The following SELENOF variants were observed in gnomAD, a reference collection of about 807,000 sequenced individuals.
SELENOF encodes the protein 15 kDa selenoprotein.
Under a neutral mutation model 20.5 loss-of-function variants are expected in SELENOF, and 16 were observed. The ratio of observed to expected loss-of-function variants is 0.78; its 90% CI spans 0.53 to 1.19. SELENOF has a LOEUF of 1.19. Ranked by LOEUF, SELENOF falls within the 50% of genes most tolerant of loss-of-function variation. The pLI is 0.00. For synonymous variants in SELENOF, 78 were observed against 74.5 expected, an observed-to-expected ratio of 1.05 and a Z score of -0.24; for missense variants, 215 against 194.2, an observed-to-expected ratio of 1.11 and a Z score of -0.64.
chr1:86,906,901 A>G (rs1340807610), intron 1 of SELENOF, among the ~76,000 whole-genome samples: 4 of 152,264 alleles, frequency 2.6e-5, no homozygotes, highest in South Asian at 2.1e-4. Context: ...GAAAGAGGCA[A>G]TAAGAGTGAA....
intron 2 of SELENOF, among the ~76,000 whole-genome samples, chr1:86,883,732 G>A (rs1357290192): frequency 6.6e-6 from 1 of 151,948 alleles, no homozygotes; most frequent in Admixed American, 6.6e-5. Flanking sequence ...TGATTGTACG[G>A]AGCACTGCAG....
At chr1:86,911,409 C>T (rs998572840) in intron 1 of SELENOF, among the ~76,000 whole-genome samples, 2 of 152,296 alleles carry the variant, frequency 1.3e-5, no homozygotes, top group Middle Eastern at 6.8e-3. Context: ...GCCAATTCTC[C>T]ACTTGTACCT....
In SELENOF at chr1:86,901,902, G is replaced by A. The variant is rs546512952; in HGVS notation, c.252+1379C>T. Among the ~76,000 whole-genome samples the A allele has an allele frequency of 1.8e-3, 268 of 152,304 alleles. 2 individuals carry two copies. Among genetic ancestry groups the A allele is most frequent in the Middle Eastern group, 0.01 (3 of 294 alleles). ...CAATTTACCCTAATCACAAGGGGGT[G>A]TGTGTGGTAAACACTGTTTATTATA... On this transcript the variant is annotated intron_variant, in intron 2 of 4. Coordinates refer to ENST00000331835, the MANE Select transcript of SELENOF (RefSeq NM_004261.5).
chr1:86,905,747 T>C (rs1439189562), intron 1 of SELENOF, among the ~76,000 whole-genome samples: 1 of 152,224 alleles, frequency 6.6e-6, no homozygotes, highest in Non-Finnish European at 1.5e-5. Context: ...TCTTCTAGAC[T>C]AAGGGTATGC....
intron 3 of SELENOF, among the ~76,000 whole-genome samples, chr1:86,869,908 G>A (rs1658714755): frequency 6.6e-6 from 1 of 151,934 alleles, no homozygotes; most frequent in Non-Finnish European, 1.5e-5. Flanking sequence ...CCAAGCAGCA[G>A]TGACTACAGA....
Position 86,880,765 on chromosome 1 carries a change from A to G in SELENOF, c.253-40T>C, listed in dbSNP as rs1223192333. 2.4e-6 allele frequency: 3 copies of G among 1,225,406 alleles called. No individual in the cohort carries two copies. The African/African-American group carries it at 4.6e-5, about 19-fold the overall frequency. The allele number at this position is 1,225,406 out of a possible 1,614,324, so 75.9% of individuals were successfully genotyped here. On this transcript the variant is annotated intron_variant, in intron 2 of 4. Transcript: ENST00000331835. The stretch of plus-strand genomic sequence containing the variant: ...ACAGGAATTTAAAAAACTGGTATAA[A>G]TTAAAAATGTACTTATAAAATAAAT...
chr1:86,874,928 A>G (rs1454909708), intron 3 of SELENOF, among the ~76,000 whole-genome samples: 1 of 152,216 alleles, frequency 6.6e-6, no homozygotes, highest in African/African-American at 2.4e-5. Context: ...AGTAATCAAA[A>G]AAGTATTTCT....
chr1:86,905,548 C>T (rs759257165), intron 1 of SELENOF, among the ~76,000 whole-genome samples: 1 of 152,014 alleles, frequency 6.6e-6, no homozygotes, highest in Admixed American at 6.6e-5. Flanking sequence ...AAAACAGTAC[C>T]GTTCGTGACA....
chr1:86,893,575 A>G (rs1659443746), intron 2 of SELENOF, among the ~76,000 whole-genome samples: 1 of 152,126 alleles, frequency 6.6e-6, no homozygotes. Flanking sequence ...CCAAGATTGC[A>G]CCACTGTACT....
At chr1:86,887,144 T>G in intron 2 of SELENOF, 2 of 1,532,576 alleles carry the variant, frequency 1.3e-6, no homozygotes, top group Non-Finnish European at 1.8e-6. Flanking sequence ...TTAATGACAC[T>G]TTCATACTCA....
Position 86,868,062 on chromosome 1 carries a change from C to A in SELENOF, c.357G>T (p.Leu119=). ...RSDKPKLFRG[L]QIKYVRGSDP... ...ACTACAATCACCTTACCTTGATTTG[C>A]AGTCCTCTGAACAGTTTGGGTTTAT... The change falls in exon 4 of 5, where the codon CTG becomes CTT. Residue 119 remains leucine (L), a synonymous_variant. Coordinates refer to ENST00000331835, the MANE Select transcript of SELENOF (RefSeq NM_004261.5). 1 of 1,502,822 alleles carries A rather than the reference C, an allele frequency of 6.7e-7. No homozygotes were observed. Among genetic ancestry groups the A allele is most frequent in the Non-Finnish European group, 9.0e-7 (1 of 1,111,102 alleles). The allele number at this position is 1,502,822 out of a possible 1,614,324, so 93.1% of individuals were successfully genotyped here. A position where few individuals can be genotyped will look rare whatever the true frequency, so the allele number is the denominator to read the frequency against.
intron 3 of SELENOF, 27 bp from the exon 4 acceptor site, chr1:86,868,129 G>C: frequency 8.4e-7 from 1 of 1,195,072 alleles, no homozygotes; most frequent in South Asian, 1.4e-5. Context: ...AAAAGATTCA[G>C]TAGTTCACTT....
chr1:86,862,684 AC>A lies in SELENOF; in HGVS notation c.*789del, dbSNP rs1275303791. Reference sequence around the variant, plus strand: ...ATGCATTGAAAAACATCATTTTTAAACATGAAAGAACAAACCAGAAGAATTC... The same window carrying A: ...ATGCATTGAAAAACATCATTTTTAAAATGAAAGAACAAACCAGAAGAATTC... On this transcript the variant is annotated 3_prime_UTR_variant, in exon 5 of 5. Transcript: ENST00000331835. 1 of 152,240 alleles carries A rather than the reference AC, an allele frequency of 6.6e-6. No homozygotes were observed. The highest frequency in any genetic ancestry group is 2.4e-5 in the African/African-American group (1 of 41,460). The allele number at this position is 152,240 out of a possible 1,614,324, so 9.4% of individuals were successfully genotyped here. A position where few individuals can be genotyped will look rare whatever the true frequency, so the allele number is the denominator to read the frequency against.
chr1:86,914,092 C>T lies in SELENOF; in HGVS notation c.20G>A (p.Gly7Glu). The T allele has an allele frequency of 6.2e-7, 1 of 1,613,992 alleles. No individual in the cohort carries two copies. The highest frequency in any genetic ancestry group is 8.5e-7 in the Non-Finnish European group (1 of 1,179,886). Residue 7 changes from glycine (G) to glutamate (E), a missense_variant, in exon 1 of 5, where the codon GGG becomes GAG. Transcript: ENST00000331835. ...CGCCGGCACCAGACACCCACTCGGC[C>T]CAGCCGCCATCGCTACCATTTTCCG... MVAMAA[G>E]PSGCLVPAFG...
At chr1:86,870,937 T>C (rs1379097096) in intron 3 of SELENOF, among the ~76,000 whole-genome samples, 1 of 152,180 alleles carries the variant, frequency 6.6e-6, no homozygotes, top group Non-Finnish European at 1.5e-5. Context: ...GATTTTTTTT[T>C]TTTAACAGAC....
chr1:86,877,283 T>C (rs1336169224), intron 3 of SELENOF, among the ~76,000 whole-genome samples: 1 of 152,188 alleles, frequency 6.6e-6, no homozygotes. Context: ...ACCTCATCTG[T>C]AACCCATTTT....
chr1:86,875,561 A>G (rs115556604), intron 3 of SELENOF, among the ~76,000 whole-genome samples: 3,641 of 152,320 alleles, frequency 0.024, 63 homozygotes, highest in Middle Eastern at 0.041. Context: ...AAATTTAATA[A>G]ATCAGTGCAT....
At chr1:86,905,357 T>C (rs908610223) in intron 1 of SELENOF, among the ~76,000 whole-genome samples, 1 of 152,194 alleles carries the variant, frequency 6.6e-6, no homozygotes, top group Non-Finnish European at 1.5e-5. Context: ...AAACACACTT[T>C]TGCTCACAGT....
chr1:86,892,887 T>C (rs1659425563), intron 2 of SELENOF, among the ~76,000 whole-genome samples: 1 of 152,182 alleles, frequency 6.6e-6, no homozygotes, highest in Non-Finnish European at 1.5e-5. Flanking sequence ...TAAGTACAAA[T>C]GGCAAAAGGG....
Sources: gnomAD v4.1 joint callset for allele counts (sites outside exome capture counted in the v4.1 genomes callset) on GRCh38, gnomAD v4.1.1 for gene constraint, MANE v1.5 for transcripts, NCBI Gene and HGNC (gene_info 2026-07-23, HGNC 2026-07-21) for gene names.